The following KALRN variants were observed in gnomAD, a reference collection of about 807,000 sequenced individuals.
KALRN encodes kalirin.
Under a neutral mutation model 353.7 loss-of-function variants are expected in KALRN, and 70 were observed. The observed-to-expected ratio is 0.20, with a 90% CI of 0.16 to 0.24. The LOEUF (loss-of-function observed/expected upper bound fraction) is 0.24. KALRN is among the 10% of genes least tolerant of loss of function. The pLI is 1.00. For synonymous variants in KALRN, 1,391 were observed against 1,434.8 expected (o/e 0.97, Z 0.69); for missense variants, 2,791 against 3,756.7 (o/e 0.74, Z 6.72).
At position 124,033,444 on chromosome 3, in the gene KALRN, C is replaced by T. The variant is rs2039073890; in HGVS notation, c.-297C>T. On this transcript the variant is annotated 5_prime_UTR_variant, in exon 1 of 60. Coordinates refer to ENST00000682506, the MANE Select transcript of KALRN (RefSeq NM_001388419.1). This position sits in a 1 kb window ranked among gnomAD's most constrained non-coding sequence, Gnocchi z 6.2. ...GGACAGCGGGCGCCCAGGCAGCCCG[C>T]ACCCCGGCCCCGGGCCCCGGCCCCA... is the stretch of plus-strand genomic sequence containing the variant. Among the ~76,000 whole-genome samples the T allele has an allele frequency of 6.6e-6, 1 of 151,558 alleles. No homozygotes were observed. Among genetic ancestry groups the T allele is most frequent in the African/African-American group, 2.4e-5 (1 of 41,296 alleles).
In KALRN at chr3:124,398,763, G is replaced by C. The variant is rs760053091; in HGVS notation, c.2238G>C (p.Leu746=). The change falls in exon 13 of 60, where the codon CTG becomes CTC. Residue 746 remains leucine (L), a synonymous_variant. Coordinates refer to ENST00000682506, the MANE Select transcript of KALRN (RefSeq NM_001388419.1). ...CCATCAGCCACATCGAGTCGGTCCTGCAGCAGCTTGATGATGCCCAGGTGC... is the reference window on the plus strand; with the variant it reads ...CCATCAGCCACATCGAGTCGGTCCTCCAGCAGCTTGATGATGCCCAGGTGC... ...SSSISHIESV[L]QQLDDAQVQM... The C allele has an allele frequency of 2.5e-6, 4 of 1,614,200 alleles. No homozygotes were observed. In the East Asian group the frequency reaches 6.7e-5, roughly 27 times the overall value.
intron 13 of KALRN, among the ~76,000 whole-genome samples, chr3:124,407,506 C>T (rs1055857159): frequency 6.6e-6 from 1 of 152,146 alleles, no homozygotes; most frequent in African/African-American, 2.4e-5. Flanking sequence ...GTGTTGGGAA[C>T]AGATCATATT....
chr3:124,619,222 A>G (rs2078999448), intron 34 of KALRN, among the ~76,000 whole-genome samples: 1 of 151,740 alleles, frequency 6.6e-6, no homozygotes, highest in Non-Finnish European at 1.5e-5. Context: ...TTCCAGGTTC[A>G]TCCAAGTGGC....
chr3:124,433,698 A>G (rs1318487166), intron 16 of KALRN, among the ~76,000 whole-genome samples: 1 of 152,092 alleles, frequency 6.6e-6, no homozygotes, highest in African/African-American at 2.4e-5. Context: ...ATTGAAGTGA[A>G]TTATCTCCTG....
chr3:124,563,150 C>G lies in KALRN; in HGVS notation c.5182+61C>G, dbSNP rs897832329. On this transcript the variant is annotated intron_variant, in intron 34 of 59. Coordinates refer to ENST00000682506, the MANE Select transcript of KALRN (RefSeq NM_001388419.1). ...GGAGGCCATGAGCGCTGGCCTGACT[C>G]TAGCTGAAGACCACCATGGAAGTGA... The G allele has an allele frequency of 4.4e-5, 58 of 1,325,630 alleles. No homozygotes were observed. In the African/African-American group the frequency reaches 8.4e-4, roughly 19 times the overall value. 82.1% of individuals were successfully genotyped at this position (1,325,630 alleles called of 1,614,324 possible).
At chr3:124,070,035 A>G (rs951496642) in intron 1 of KALRN, among the ~76,000 whole-genome samples, 8 of 152,228 alleles carry the variant, frequency 5.3e-5, no homozygotes, top group Non-Finnish European at 7.3e-5. Context: ...TACCACAACA[A>G]GATAAAATGA....
At position 124,632,513 on chromosome 3, in the gene KALRN, C is replaced by A. The variant is rs753063935; in HGVS notation, c.5276C>A (p.Ser1759Tyr). ...CCCTCCCTGAACTCCATCCACAGTT[C>A]CCCGGGTCCCAAGCGCTCCACCAAC... Reference protein sequence around the residue: ...AQPSLNSIHSSPGPKRSTNTL... With the variant: ...AQPSLNSIHSYPGPKRSTNTL... The change falls in exon 35 of 60, where the codon TCC (serine) becomes TAC (tyrosine). Residue 1759 changes from serine to tyrosine, a missense_variant. Around this residue, in one of 11 missense-constraint regions of KALRN, gnomAD observed 1,065 missense variants for 1,156.4 expected, o/e 0.92. Coordinates refer to ENST00000682506, the MANE Select transcript of KALRN (RefSeq NM_001388419.1). 6.2e-6 allele frequency: 10 copies of A among 1,614,108 alleles called. No individual in the cohort carries two copies. Among genetic ancestry groups the A allele is most frequent in the Admixed American group, 3.3e-5 (2 of 60,014 alleles).
chr3:124,349,761 C>T (rs72978416), intron 10 of KALRN, among the ~76,000 whole-genome samples: 31,923 of 152,044 alleles, frequency 0.21, 3,447 homozygotes, highest in Middle Eastern at 0.28. Context: ...GGACCTTCTG[C>T]AGAATGAGGT....
chr3:124,712,196 T>C (rs1417969115), intron 57 of KALRN, among the ~76,000 whole-genome samples: 3 of 152,144 alleles, frequency 2.0e-5, no homozygotes, highest in African/African-American at 7.2e-5. Context: ...CAAAAACCTA[T>C]TGAAATTAAA....
chr3:124,568,236 A>G (rs1220838388), intron 34 of KALRN, among the ~76,000 whole-genome samples: 1 of 152,278 alleles, frequency 6.6e-6, no homozygotes, highest in Non-Finnish European at 1.5e-5. Context: ...GTGACCAATA[A>G]GTACATGAAA....
At chr3:124,061,017 A>G (rs545777793) in intron 1 of KALRN, among the ~76,000 whole-genome samples, 2 of 152,350 alleles carry the variant, frequency 1.3e-5, no homozygotes, top group South Asian at 4.1e-4. Context: ...CTTACAAAGC[A>G]CAGGTTCAAA....
intron 1 of KALRN, among the ~76,000 whole-genome samples, chr3:124,083,253 A>G (rs989653852): frequency 6.6e-6 from 1 of 152,124 alleles, no homozygotes; most frequent in Non-Finnish European, 1.5e-5. Context: ...GGATACACCA[A>G]TGAACAGGAC....
Position 124,495,986 on chromosome 3 carries a change from T to TATATATATACAC in KALRN, c.4833-316_4833-315insCACATATATATA, listed in dbSNP as rs2063745972. Among the ~76,000 whole-genome samples the TATATATATACAC allele has an allele frequency of 3.8e-5, 2 of 52,796 alleles. 1 individual carries two copies. Among genetic ancestry groups the TATATATATACAC allele is most frequent in the Non-Finnish European group, 6.9e-5 (2 of 28,958 alleles). The allele number at this position is 52,796 out of a possible 152,430, so 34.6% of individuals were successfully genotyped here. A position where few individuals can be genotyped will look rare whatever the true frequency, so the allele number is the denominator to read the frequency against. On this transcript the variant is annotated intron_variant, in intron 32 of 59. Transcript: ENST00000682506. ...GTATGTATATATATATATATATATA[T>TATATATATACAC]ATATATATATATATATATATATATA... is the stretch of plus-strand genomic sequence containing the variant.
chr3:124,402,086 C>G (rs746146084), intron 13 of KALRN, among the ~76,000 whole-genome samples: 1 of 152,160 alleles, frequency 6.6e-6, no homozygotes, highest in Non-Finnish European at 1.5e-5. Context: ...TGGAGGAGGA[C>G]TGCTACCCTG....
intron 34 of KALRN, among the ~76,000 whole-genome samples, chr3:124,625,751 A>G (rs2149742337): frequency 7.8e-6 from 1 of 128,936 alleles, no homozygotes; most frequent in East Asian, 2.1e-4. Flanking sequence ...ATATATTACA[A>G]AATTATGATG....
At chr3:124,659,859 T>G (rs1424905323) in intron 43 of KALRN, among the ~76,000 whole-genome samples, 2 of 148,696 alleles carry the variant, frequency 1.3e-5, no homozygotes, top group African/African-American at 2.4e-5. Context: ...TTTGATTTTA[T>G]ATATATATAA....
intron 34 of KALRN, chr3:124,584,840 G>A (rs1452440493): frequency 1.0e-5 from 16 of 1,605,462 alleles, no homozygotes; most frequent in Non-Finnish European, 1.4e-5. Context: ...CGGCGACAGG[G>A]CTTACACCCG....
intron 47 of KALRN, 67 bp from the exon 48 acceptor site, chr3:124,671,593 C>T (rs1302535932): frequency 1.8e-6 from 2 of 1,118,126 alleles, no homozygotes; most frequent in African/African-American, 3.1e-5. Context: ...AGCCTTGGAC[C>T]TAAGAGGCCT....
chr3:124,493,248 AG>A (rs974965042), intron 32 of KALRN, among the ~76,000 whole-genome samples: 1 of 152,254 alleles, frequency 6.6e-6, no homozygotes, highest in Non-Finnish European at 1.5e-5. Context: ...AGGGGACTTT[AG>A]ATGAGTCCTA....
Sources: gnomAD v4.1 joint callset for allele counts (sites outside exome capture counted in the v4.1 genomes callset) on GRCh38, gnomAD v4.1.1 for gene constraint, gnomAD v4.1.1 regional missense constraint, Gnocchi (gnomAD v3.1) non-coding constraint, MANE v1.5 for transcripts, NCBI Gene and HGNC (gene_info 2026-07-23, HGNC 2026-07-21) for gene names.